Variants in LDB2 observed in about 807,000 individuals in gnomAD.
The protein encoded by LDB2 is LIM domain-binding protein 2.
Under a neutral mutation model 44.3 loss-of-function variants are expected in LDB2, and 12 were observed. That is an observed-to-expected ratio of 0.27 (90% CI 0.17 to 0.44). The LOEUF is 0.44. Among genes scored for constraint, LDB2 ranks in the 20% least tolerant of loss-of-function variants. The probability of loss-of-function intolerance (pLI) is 1.00; values close to 1 mark genes in which losing one functional copy is unlikely to be tolerated. For synonymous variants in LDB2, 164 were observed against 174.8 expected, an observed-to-expected ratio of 0.94 and a Z score of 0.49; for missense variants, 344 against 473.5, an observed-to-expected ratio of 0.73 and a Z score of 2.54.
intron 5 of LDB2, among the ~76,000 whole-genome samples, chr4:16,577,740 C>T (rs1224902647): frequency 1.3e-5 from 2 of 151,934 alleles, no homozygotes; most frequent in East Asian, 1.9e-4. Context: ...TATATGGAAC[C>T]ACAAAACACC....
chr4:16,585,089 G>A (rs1028266688), intron 5 of LDB2, among the ~76,000 whole-genome samples: 2 of 152,174 alleles, frequency 1.3e-5, no homozygotes, highest in African/African-American at 4.8e-5. Flanking sequence ...CTGGATTGTG[G>A]AGAGAACAAC....
At chr4:16,821,639 T>C (rs1782043243) in intron 1 of LDB2, among the ~76,000 whole-genome samples, 1 of 143,132 alleles carries the variant, frequency 7.0e-6, no homozygotes, top group Non-Finnish European at 1.5e-5. Flanking sequence ...TCTGCCCACC[T>C]CGGCCTCCCA....
chr4:16,678,748 G>C (rs762481434), intron 2 of LDB2, among the ~76,000 whole-genome samples: 17 of 152,200 alleles, frequency 1.1e-4, no homozygotes, highest in Non-Finnish European at 1.6e-4. Context: ...GGGCCTGGAG[G>C]CAGATGCAAG....
At position 16,595,892 on chromosome 4, in the gene LDB2, G is replaced by A. The variant is rs1720746785; in HGVS notation, c.236-17C>T. 1 of 1,611,430 alleles carries A rather than the reference G, an allele frequency of 6.2e-7. No individual in the cohort carries two copies. Among genetic ancestry groups the A allele is most frequent in the Admixed American group, 1.7e-5 (1 of 59,794 alleles). ...TGCCGATAGCTGGGAGAGAAACACAGAGAAACAAACCATTAACAAAAATAT... is the reference window on the plus strand; with the variant it reads ...TGCCGATAGCTGGGAGAGAAACACAAAGAAACAAACCATTAACAAAAATAT... On this transcript the variant is annotated splice_polypyrimidine_tract_variant and intron_variant, in intron 2 of 7. Transcript: ENST00000304523.
At chr4:16,692,161 G>A (rs192893101) in intron 2 of LDB2, among the ~76,000 whole-genome samples, 22 of 152,224 alleles carry the variant, frequency 1.4e-4, no homozygotes, top group Non-Finnish European at 2.9e-4. Context: ...TACATGGAAA[G>A]GAGAATCATG....
At chr4:16,819,460 G>GA (rs369605183) in intron 1 of LDB2, among the ~76,000 whole-genome samples, 45,092 of 93,378 alleles carry the variant, frequency 0.48, 11,619 homozygotes, top group East Asian at 0.77. Flanking sequence ...CTGCACTCAG[G>GA]AAAAAAAAAA....
At chr4:16,834,380 T>C (rs1317606422) in intron 1 of LDB2, among the ~76,000 whole-genome samples, 1 of 152,222 alleles carries the variant, frequency 6.6e-6, no homozygotes, top group Non-Finnish European at 1.5e-5. Context: ...CTGACATCAC[T>C]GTGCCATCAC....
chr4:16,715,596 T>C (rs545471052), intron 2 of LDB2, among the ~76,000 whole-genome samples: 2 of 152,324 alleles, frequency 1.3e-5, no homozygotes, highest in Non-Finnish European at 2.9e-5. Context: ...CCATTTTTCC[T>C]CTGTTAATAA....
At chr4:16,659,817 G>GA (rs1206292791) in intron 2 of LDB2, among the ~76,000 whole-genome samples, 2 of 152,030 alleles carry the variant, frequency 1.3e-5, no homozygotes, top group Non-Finnish European at 2.9e-5. Context: ...TGTGACTCTG[G>GA]AAATCACATT....
At chr4:16,503,668 A>G (rs1391453373) in intron 7 of LDB2, among the ~76,000 whole-genome samples, 1 of 152,236 alleles carries the variant, frequency 6.6e-6, no homozygotes, top group East Asian at 1.9e-4. Context: ...GGCAGTAAAG[A>G]GAACCGGTCT....
intron 2 of LDB2, among the ~76,000 whole-genome samples, chr4:16,727,126 C>T (rs1427434829): frequency 6.6e-6 from 1 of 152,102 alleles, no homozygotes; most frequent in African/African-American, 2.4e-5. Context: ...CTCAGGGTGG[C>T]TTAGAAGTAG....
chr4:16,880,202 T>C (rs947860854), intron 1 of LDB2, among the ~76,000 whole-genome samples: 11 of 152,160 alleles, frequency 7.2e-5, no homozygotes, highest in African/African-American at 2.4e-4. Context: ...ATCTTAAAAA[T>C]TCTTCATGGG....
At chr4:16,564,077 T>C (rs1461362586) in intron 5 of LDB2, among the ~76,000 whole-genome samples, 1 of 152,142 alleles carries the variant, frequency 6.6e-6, no homozygotes, top group Non-Finnish European at 1.5e-5. Context: ...TTTTTGAGCT[T>C]CCCCCTTCTT....
chr4:16,828,562 T>C (rs950060217), intron 1 of LDB2, among the ~76,000 whole-genome samples: 8 of 152,154 alleles, frequency 5.3e-5, no homozygotes, highest in African/African-American at 1.9e-4. Flanking sequence ...TACAAAATAT[T>C]TAACAGCAGA....
At chr4:16,511,850 G>A in intron 6 of LDB2, 131 bp downstream of exon 6, 2 of 1,014,642 alleles carry the variant, frequency 2.0e-6, no homozygotes, top group Non-Finnish European at 2.9e-6. Flanking sequence ...CCACAACCAT[G>A]GTCAGAATAT....
intron 2 of LDB2, among the ~76,000 whole-genome samples, chr4:16,618,990 G>A (rs1022148699): frequency 3.3e-5 from 5 of 152,090 alleles, no homozygotes; most frequent in African/African-American, 1.2e-4. Context: ...AGGACATGCT[G>A]GCTTCCCCTT....
At chr4:16,545,235 T>G (rs1379092028) in intron 5 of LDB2, among the ~76,000 whole-genome samples, 1 of 149,288 alleles carries the variant, frequency 6.7e-6, no homozygotes, top group Non-Finnish European at 1.5e-5. Context: ...CCTCCCTTCC[T>G]TCTGTCTTTC....
chr4:16,788,134 G>A lies in LDB2; in HGVS notation c.133-28874C>T, dbSNP rs542349607. Among the ~76,000 whole-genome samples, 10 of 152,334 alleles carry A rather than the reference G, an allele frequency of 6.6e-5. No individual in the cohort carries two copies. In the South Asian group the frequency reaches 2.1e-3, roughly 32 times the overall value. ...AGGGCTGGGCATTGGGCTGCGAGTT[G>A]GCGATCAAGATATCTGGCTTTAAGA... On this transcript the variant is annotated intron_variant, in intron 1 of 7. Transcript: ENST00000304523.
Position 16,687,141 on chromosome 4 carries a change from A to G in LDB2, c.235+72017T>C, listed in dbSNP as rs1294777737. On this transcript the variant is annotated intron_variant, in intron 2 of 7. Coordinates refer to ENST00000304523, the MANE Select transcript of LDB2 (RefSeq NM_001290.5). ...AAAAAAAAACCATTAACTTCAGTTC[A>G]TTAATGTAATGCCATGAGTTTCTTG... Among the ~76,000 whole-genome samples the G allele has an allele frequency of 3.3e-5, 5 of 152,046 alleles. No homozygotes were observed. In the East Asian group the frequency reaches 9.7e-4, roughly 29 times the overall value.
Sources: allele counts gnomAD v4.1 joint callset (sites outside exome capture counted in the v4.1 genomes callset), GRCh38; gene constraint gnomAD v4.1.1; transcripts MANE v1.5; gene names NCBI Gene and HGNC (gene_info 2026-07-23, HGNC 2026-07-21).